Variants in KCTD16 observed in about 807,000 individuals in gnomAD.
KCTD16 encodes the protein BTB/POZ domain-containing protein KCTD16.
A neutral mutation model predicts 33.2 loss-of-function variants in KCTD16; 13 were observed. That is an observed-to-expected ratio of 0.39 (90% confidence interval 0.25 to 0.62). The LOEUF is 0.62. Among genes scored for constraint, KCTD16 ranks in the 20% least tolerant of loss-of-function variants. The probability of loss-of-function intolerance (pLI) is 0.50; values close to 1 mark genes in which losing one functional copy is unlikely to be tolerated. For synonymous variants in KCTD16, 197 were observed against 195.3 expected (o/e 1.01, Z -0.07); for missense variants, 441 against 525.1 (o/e 0.84, Z 1.57).
chr5:144,414,084 G>T (rs545054396), intron 3 of KCTD16, among the ~76,000 whole-genome samples: 1 of 152,258 alleles, frequency 6.6e-6, no homozygotes, highest in East Asian at 1.9e-4. Context: ...AGACTTCTGG[G>T]TGGGTTTAAA....
chr5:144,351,873 A>C (rs1751445440), intron 3 of KCTD16, among the ~76,000 whole-genome samples: 1 of 152,126 alleles, frequency 6.6e-6, no homozygotes, highest in Admixed American at 6.5e-5. Context: ...TGGTTATCAG[A>C]GGCTGTGGGG....
chr5:144,319,034 C>T (rs986003627), intron 3 of KCTD16, among the ~76,000 whole-genome samples: 4 of 151,976 alleles, frequency 2.6e-5, no homozygotes, highest in Admixed American at 1.3e-4. Context: ...ATTCAAATAA[C>T]TAATGCATGA....
chr5:144,174,130 C>CA (rs1320772022), intron 1 of KCTD16, among the ~76,000 whole-genome samples, 177 bp from the exon 2 acceptor site: 2 of 151,748 alleles, frequency 1.3e-5, no homozygotes, highest in African/African-American at 4.8e-5. Flanking sequence ...ATCACCAAAA[C>CA]AAAAAGGGAA....
chr5:144,375,386 A>G (rs1752067342), intron 3 of KCTD16, among the ~76,000 whole-genome samples: 1 of 152,194 alleles, frequency 6.6e-6, no homozygotes, highest in African/African-American at 2.4e-5. Flanking sequence ...CTCTGCAGAT[A>G]AGTGTGAATA....
intron 3 of KCTD16, among the ~76,000 whole-genome samples, chr5:144,389,348 C>T (rs1752400515): frequency 6.6e-6 from 1 of 152,080 alleles, no homozygotes; most frequent in Non-Finnish European, 1.5e-5. Context: ...GCACCCCTGC[C>T]TGAGCCCCAC....
intron 3 of KCTD16, among the ~76,000 whole-genome samples, chr5:144,363,022 G>A (rs1359561682): frequency 2.0e-5 from 3 of 152,020 alleles, no homozygotes; most frequent in Non-Finnish European, 4.4e-5. Flanking sequence ...CTTCTATACG[G>A]CCTCTCATTT....
rs1053846940 is a variant in KCTD16, at chr5:144,266,694, C to T, written c.832+59148C>T. On this transcript the variant is annotated intron_variant, in intron 3 of 3. Transcript: ENST00000512467. The stretch of plus-strand genomic sequence containing the variant: ...CAAATGAGTTTGTTGTAATTGCCCA[C>T]CTAGTGTTTAAAATTACAGCTTCAG... Among the ~76,000 whole-genome samples the T allele has an allele frequency of 2.0e-5, 3 of 152,182 alleles. No homozygotes were observed. In the East Asian group the frequency reaches 5.8e-4, roughly 29 times the overall value.
At chr5:144,361,279 AC>A (rs1264379101) in intron 3 of KCTD16, among the ~76,000 whole-genome samples, 1 of 152,052 alleles carries the variant, frequency 6.6e-6, no homozygotes, top group African/African-American at 2.4e-5. Flanking sequence ...TTGGGTGTAT[AC>A]CTAGTAATGG....
intron 3 of KCTD16, among the ~76,000 whole-genome samples, chr5:144,322,961 T>TA (rs1267973958): frequency 1.3e-5 from 2 of 152,162 alleles, no homozygotes; most frequent in African/African-American, 4.8e-5. Flanking sequence ...AATAGAATGA[T>TA]ATAATGAACT....
chr5:144,343,480 A>G (rs1438667320), intron 3 of KCTD16, among the ~76,000 whole-genome samples: 1 of 150,768 alleles, frequency 6.6e-6, no homozygotes, highest in South Asian at 2.1e-4. Context: ...TTTCTTTTTT[A>G]TTAGTTTTGC....
intron 3 of KCTD16, among the ~76,000 whole-genome samples, chr5:144,354,336 AGCTT>A (rs1751520611): frequency 6.6e-6 from 1 of 152,170 alleles, no homozygotes; most frequent in African/African-American, 2.4e-5. Context: ...AGGTATTTTA[AGCTT>A]TATTGCCATG....
chr5:144,276,773 T>C (rs146222715), intron 3 of KCTD16, among the ~76,000 whole-genome samples: 1 of 152,000 alleles, frequency 6.6e-6, no homozygotes, highest in Non-Finnish European at 1.5e-5. Flanking sequence ...CATAGTGGCT[T>C]ACACCTGTAA....
At position 144,208,218 on chromosome 5, in the gene KCTD16, C is replaced by T. The variant is rs193093607; in HGVS notation, c.832+672C>T. 2.6e-5 allele frequency among the ~76,000 whole-genome samples: 4 copies of T among 152,292 alleles called. No homozygotes were observed. The East Asian group carries it at 5.8e-4, about 22-fold the overall frequency. ...AGATCTATGTAAAAGGAACTAGATC[C>T]TTCAGAATTGTCAATCACATTTAAA... On this transcript the variant is annotated intron_variant, in intron 3 of 3. Coordinates refer to ENST00000512467, the MANE Select transcript of KCTD16 (RefSeq NM_020768.4).
intron 3 of KCTD16, among the ~76,000 whole-genome samples, chr5:144,354,713 T>G (rs138271314): frequency 6.6e-6 from 1 of 152,216 alleles, no homozygotes; most frequent in Non-Finnish European, 1.5e-5. Flanking sequence ...TTGCTGAGCC[T>G]GAGCATGTGT....
chr5:144,315,674 T>G (rs959780476), intron 3 of KCTD16, among the ~76,000 whole-genome samples: 1 of 152,138 alleles, frequency 6.6e-6, no homozygotes, highest in Non-Finnish European at 1.5e-5. Context: ...ATGAGAGAAC[T>G]GAGGGATAGA....
chr5:144,305,214 A>G (rs1471898726), intron 3 of KCTD16, among the ~76,000 whole-genome samples: 1 of 152,140 alleles, frequency 6.6e-6, no homozygotes, highest in Non-Finnish European at 1.5e-5. Flanking sequence ...ACCTCAATCC[A>G]ATGAACTGTT....
At position 144,483,485 on chromosome 5, in the gene KCTD16, T is replaced by C. The variant is rs1354357899; in HGVS notation, c.*9371T>C. The C allele has an allele frequency of 6.6e-6, 1 of 151,962 alleles. No homozygotes were observed. Among genetic ancestry groups the C allele is most frequent in the Non-Finnish European group, 1.5e-5 (1 of 67,926 alleles). 9.4% of individuals were successfully genotyped at this position (151,962 alleles called of 1,614,324 possible). On this transcript the variant is annotated 3_prime_UTR_variant, in exon 4 of 4. Coordinates refer to ENST00000512467, the MANE Select transcript of KCTD16 (RefSeq NM_020768.4). ...AGTTTTAGTCTCCTGCAAATAACAC[T>C]TGAAGTCTGTTTATACAATACCCAA...
intron 3 of KCTD16, among the ~76,000 whole-genome samples, chr5:144,329,971 G>A (rs1473542272): frequency 6.6e-6 from 1 of 152,110 alleles, no homozygotes; most frequent in Admixed American, 6.6e-5. Context: ...AAAATTACCA[G>A]GAAAGCTATA....
chr5:144,186,224 ACT>A (rs1188810452), intron 2 of KCTD16, among the ~76,000 whole-genome samples: 3 of 152,094 alleles, frequency 2.0e-5, no homozygotes, highest in Non-Finnish European at 4.4e-5. Flanking sequence ...GACAGCAGAG[ACT>A]CTCATATGGC....
Sources: gnomAD v4.1 joint callset for allele counts (sites outside exome capture counted in the v4.1 genomes callset) on GRCh38, gnomAD v4.1.1 for gene constraint, MANE v1.5 for transcripts, NCBI Gene and HGNC (gene_info 2026-07-23, HGNC 2026-07-21) for gene names.